Variants in SORCS1 observed in about 807,000 individuals in gnomAD.
SORCS1 encodes VPS10 domain-containing receptor SorCS1.
SORCS1 carries 60 observed loss-of-function variants against 146.1 expected under a neutral mutation model. The observed-to-expected ratio is 0.41, with a 90% CI of 0.33 to 0.51. SORCS1 has a LOEUF of 0.51. Ranked by LOEUF, SORCS1 falls within the 20% of genes least tolerant of loss-of-function variation. The pLI is 0.21. For missense variants in SORCS1, 1,352 were observed against 1,487.6 expected (o/e 0.91, Z 1.50); for synonymous variants, 637 against 584.0 (o/e 1.09, Z -1.31).
intron 1 of SORCS1, among the ~76,000 whole-genome samples, chr10:106,968,358 A>T (rs757554021): frequency 2.0e-5 from 3 of 152,246 alleles, no homozygotes; most frequent in Non-Finnish European, 4.4e-5. Context: ...CCATGCTCTC[A>T]AATCAGTATC....
chr10:106,594,241 T>C (rs1373745136), intron 24 of SORCS1, among the ~76,000 whole-genome samples: 1 of 152,242 alleles, frequency 6.6e-6, no homozygotes, highest in African/African-American at 2.4e-5. Flanking sequence ...TAAGTAACAT[T>C]TAAAATAAGG....
intron 6 of SORCS1, among the ~76,000 whole-genome samples, chr10:106,727,990 A>G (rs1856322815): frequency 6.6e-6 from 1 of 152,188 alleles, no homozygotes; most frequent in Non-Finnish European, 1.5e-5. Flanking sequence ...CTATAGGTCA[A>G]GATGAGAATT....
chr10:106,950,804 G>A (rs1048957348), intron 2 of SORCS1, among the ~76,000 whole-genome samples: 2 of 152,020 alleles, frequency 1.3e-5, no homozygotes, highest in Middle Eastern at 3.2e-3. Context: ...CTAATTGTGC[G>A]ACCTTGGGCA....
rs926781884 is a variant in SORCS1 at position 106,713,241 on chromosome 10, C to A, written c.1025-3900G>T. The stretch of plus-strand genomic sequence containing the variant: ...GTTGATGGTACTGAGCCTCAAGCTG[C>A]CCCAACCTCTGTGCTTCTTGTTATG... On this transcript the variant is annotated intron_variant, in intron 6 of 25. Transcript: ENST00000263054. 9.8e-5 allele frequency among the ~76,000 whole-genome samples: 15 copies of A among 152,298 alleles called. 3 individuals carry two copies. The highest frequency in any genetic ancestry group is 3.9e-4 in the Admixed American group (6 of 15,300).
At chr10:107,079,004 T>C (rs1359235262) in intron 1 of SORCS1, among the ~76,000 whole-genome samples, 3 of 152,158 alleles carry the variant, frequency 2.0e-5, no homozygotes. Flanking sequence ...TGCAGGTAGA[T>C]CACGAGGTCA....
chr10:106,617,175 G>A (rs1163889021), intron 21 of SORCS1, among the ~76,000 whole-genome samples: 2 of 151,808 alleles, frequency 1.3e-5, no homozygotes, highest in East Asian at 2.0e-4. Flanking sequence ...GGCTGGTCTC[G>A]AACTCCTGAC....
At chr10:107,132,411 T>C (rs1020126917) in intron 1 of SORCS1, among the ~76,000 whole-genome samples, 4 of 152,256 alleles carry the variant, frequency 2.6e-5, no homozygotes, top group Non-Finnish European at 5.9e-5. Context: ...TAGCACTTAA[T>C]TTTCAAATTA....
At chr10:107,061,185 G>C (rs1961184885) in intron 1 of SORCS1, among the ~76,000 whole-genome samples, 2 of 152,050 alleles carry the variant, frequency 1.3e-5, no homozygotes. Context: ...CTTATCATCT[G>C]TATCAGGGAA....
intron 4 of SORCS1, among the ~76,000 whole-genome samples, chr10:106,772,412 T>C (rs980787107): frequency 1.3e-5 from 2 of 152,062 alleles, no homozygotes; most frequent in African/African-American, 4.8e-5. Flanking sequence ...TTGGGACTTA[T>C]AAGCCTCCAC....
At chr10:107,057,952 G>A (rs956511396) in intron 1 of SORCS1, among the ~76,000 whole-genome samples, 1 of 152,106 alleles carries the variant, frequency 6.6e-6, no homozygotes, top group Non-Finnish European at 1.5e-5. Flanking sequence ...CCAAGAAACT[G>A]GGACTACAGG....
chr10:106,839,128 G>A (rs185264918), intron 2 of SORCS1, among the ~76,000 whole-genome samples: 1 of 152,232 alleles, frequency 6.6e-6, no homozygotes, highest in Non-Finnish European at 1.5e-5. Context: ...GTGTTCAAGT[G>A]AAAGGGGGAG....
At chr10:106,808,519 G>T (rs11193057) in intron 3 of SORCS1, among the ~76,000 whole-genome samples, 69,055 of 151,572 alleles carry the variant, frequency 0.46, 15,938 homozygotes, top group African/African-American at 0.54. Context: ...ATTTATTTAT[G>T]TGAGGCGGAG....
intron 1 of SORCS1, among the ~76,000 whole-genome samples, chr10:107,088,146 C>CTGACCTCATGATCCGCCCGTCT (rs1963904612): frequency 6.6e-6 from 1 of 151,936 alleles, no homozygotes; most frequent in Admixed American, 6.6e-5. Context: ...TCTCGGCCTC[C>CTGACCTCATGATCCGCCCGTCT]CAAAGTGCTG....
intron 6 of SORCS1, among the ~76,000 whole-genome samples, chr10:106,711,939 G>C (rs1387629097): frequency 6.6e-6 from 1 of 152,154 alleles, no homozygotes; most frequent in African/African-American, 2.4e-5. Flanking sequence ...AGAAACAATG[G>C]AGATTTATGA....
At chr10:107,030,547 G>C (rs1390617787) in intron 1 of SORCS1, among the ~76,000 whole-genome samples, 1 of 152,092 alleles carries the variant, frequency 6.6e-6, no homozygotes, top group Non-Finnish European at 1.5e-5. Context: ...ATTCATAAGA[G>C]GTTTTAAAGC....
intron 2 of SORCS1, among the ~76,000 whole-genome samples, chr10:106,853,149 T>C (rs1425521517): frequency 1.3e-5 from 2 of 152,242 alleles, no homozygotes; most frequent in Non-Finnish European, 2.9e-5. Context: ...ATTTCTTTAA[T>C]AGTTACAAGC....
chr10:106,746,931 T>C (rs1042794201), intron 5 of SORCS1, among the ~76,000 whole-genome samples: 2 of 152,236 alleles, frequency 1.3e-5, no homozygotes, highest in African/African-American at 4.8e-5. Context: ...AGCTGGTTTG[T>C]TCCCTGGGAT....
intron 1 of SORCS1, among the ~76,000 whole-genome samples, chr10:107,107,631 C>T (rs923813252): frequency 6.6e-6 from 1 of 152,182 alleles, no homozygotes; most frequent in African/African-American, 2.4e-5. Context: ...ATTTTTCAGC[C>T]ACCCACAGAC....
At chr10:106,586,375 T>C (rs1363726681) in intron 24 of SORCS1, among the ~76,000 whole-genome samples, 1 of 152,210 alleles carries the variant, frequency 6.6e-6, no homozygotes, top group Non-Finnish European at 1.5e-5. Context: ...GCATCTTGTC[T>C]GTATTTTATA....
Sources: allele counts gnomAD v4.1 joint callset (sites outside exome capture counted in the v4.1 genomes callset), GRCh38; gene constraint gnomAD v4.1.1; transcripts MANE v1.5; gene names NCBI Gene and HGNC (gene_info 2026-07-23, HGNC 2026-07-21).